DMRT1: variants seen among roughly 807,000 people sequenced by gnomAD.
DMRT1 encodes doublesex- and mab-3-related transcription factor 1.
A neutral mutation model predicts 32.3 loss-of-function variants in DMRT1; 7 were observed. That is an observed-to-expected ratio of 0.22 (90% CI 0.12 to 0.41). The LOEUF (loss-of-function observed/expected upper bound fraction) is 0.41. DMRT1 is among the 10% of genes least tolerant of loss of function. DMRT1 has a pLI of 1.00. For synonymous variants in DMRT1, 278 were observed against 206.1 expected, an observed-to-expected ratio of 1.35 and a Z score of -2.99; for missense variants, 625 against 500.5, an observed-to-expected ratio of 1.25 and a Z score of -2.37.
chr9:930,008 T>C (rs2129851058), intron 4 of DMRT1, among the ~76,000 whole-genome samples: 1 of 152,252 alleles, frequency 6.6e-6, no homozygotes, highest in Middle Eastern at 3.4e-3. Context: ...TGGAATGGAG[T>C]AGCTGTGTGC....
At chr9:865,248 C>G (rs1815929837) in intron 2 of DMRT1, among the ~76,000 whole-genome samples, 2 of 152,276 alleles carry the variant, frequency 1.3e-5, no homozygotes, top group South Asian at 4.1e-4. Context: ...CTGGAAAGGA[C>G]TCTCAGTGAA....
In DMRT1 at chr9:842,239, T is replaced by G. The variant is rs548919882; in HGVS notation, c.354+47T>G. The G allele has an allele frequency of 8.4e-4, 1,256 of 1,498,826 alleles. 1 individual carries two copies. Among genetic ancestry groups the G allele is most frequent in the Non-Finnish European group, 8.1e-4 (917 of 1,133,796 alleles). The allele number at this position is 1,498,826 out of a possible 1,614,324, so 92.8% of individuals were successfully genotyped here. ...CCCGGGTTCAGCCTTAGTTTTTTTT[T>G]TTTTTTTTTTTTTTAGATGGAGTCT... On this transcript the variant is annotated intron_variant, in intron 1 of 4. Transcript: ENST00000382276.
chr9:866,605 G>T (rs12336132), intron 2 of DMRT1, among the ~76,000 whole-genome samples: 32,472 of 152,170 alleles, frequency 0.21, 4,004 homozygotes, highest in East Asian at 0.41. Flanking sequence ...CAACGAGAGA[G>T]TCTCAAGGAC....
intron 2 of DMRT1, among the ~76,000 whole-genome samples, chr9:874,557 A>T (rs917003692): frequency 6.6e-6 from 1 of 152,178 alleles, no homozygotes; most frequent in African/African-American, 2.4e-5. Flanking sequence ...TAATGATGGC[A>T]ACTGCCATAA....
intron 2 of DMRT1, among the ~76,000 whole-genome samples, chr9:885,472 C>A (rs1816890293): frequency 6.6e-6 from 1 of 152,134 alleles, no homozygotes; most frequent in Admixed American, 6.6e-5. Context: ...CGACTCTTCT[C>A]CTACTTCCCC....
chr9:889,058 G>A lies in DMRT1; in HGVS notation c.539-4854G>A, dbSNP rs145892828. Among the ~76,000 whole-genome samples the A allele has an allele frequency of 4.1e-4, 62 of 152,190 alleles. No individual in the cohort carries two copies. The East Asian group carries it at 9.4e-3, about 23-fold the overall frequency. On this transcript the variant is annotated intron_variant, in intron 2 of 4. Transcript: ENST00000382276. ...GTATGATTTTGTCAGTCTGTGGTGG[G>A]GCCCAAGAATTTGCATTTCTTTACG... is the stretch of plus-strand genomic sequence containing the variant.
chr9:883,459 G>T (rs1816809513), intron 2 of DMRT1, among the ~76,000 whole-genome samples: 1 of 151,792 alleles, frequency 6.6e-6, no homozygotes, highest in Non-Finnish European at 1.5e-5. Flanking sequence ...ATCATCGAAT[G>T]ACACAGCCTT....
chr9:873,025 C>T (rs144032583), intron 2 of DMRT1, among the ~76,000 whole-genome samples: 1 of 152,206 alleles, frequency 6.6e-6, no homozygotes, highest in Non-Finnish European at 1.5e-5. Context: ...CTCACAGACA[C>T]ACCCCAGAAA....
At chr9:901,034 G>C (rs1437051655) in intron 3 of DMRT1, among the ~76,000 whole-genome samples, 1 of 149,490 alleles carries the variant, frequency 6.7e-6, no homozygotes, top group Non-Finnish European at 1.5e-5. Flanking sequence ...TTTTTTAATT[G>C]AGAAGGATCT....
chr9:951,894 T>C (rs1819438558), intron 4 of DMRT1, among the ~76,000 whole-genome samples: 1 of 152,214 alleles, frequency 6.6e-6, no homozygotes, highest in African/African-American at 2.4e-5. Flanking sequence ...TTGAAGCACT[T>C]ACTGATTATC....
chr9:861,635 C>A (rs1321964736), intron 2 of DMRT1, among the ~76,000 whole-genome samples: 8 of 148,626 alleles, frequency 5.4e-5, no homozygotes, highest in African/African-American at 1.8e-4. Context: ...CCAGAAGGGG[C>A]AGCGGCCGGG....
chr9:968,738 A>G lies in DMRT1; in HGVS notation c.*599A>G, dbSNP rs563414558. On this transcript the variant is annotated 3_prime_UTR_variant, in exon 5 of 5. Coordinates refer to ENST00000382276, the MANE Select transcript of DMRT1 (RefSeq NM_021951.3). ...GAAACATTAAAGCCTGTAAAAAAAA[A>G]TTGCTGCGTTTTTGGTAAAGGGTGT... 2 of 153,230 alleles carry G rather than the reference A, an allele frequency of 1.3e-5. No homozygotes were observed. Among genetic ancestry groups the G allele is most frequent in the South Asian group, 4.1e-4 (2 of 4,868 alleles). 9.5% of individuals were successfully genotyped at this position (153,230 alleles called of 1,614,324 possible). A position where few individuals can be genotyped will look rare whatever the true frequency, so the allele number is the denominator to read the frequency against.
rs555409570 is a variant in DMRT1 at position 908,178 on chromosome 9, C to T, written c.823-8585C>T. ...GTATTCAGGATTGTTGTGGGCTGGGCATGGTGGCTCATGCCTGTAATCCTA... is the reference window on the plus strand; with the variant it reads ...GTATTCAGGATTGTTGTGGGCTGGGTATGGTGGCTCATGCCTGTAATCCTA... On this transcript the variant is annotated intron_variant, in intron 3 of 4. Transcript: ENST00000382276. Among the ~76,000 whole-genome samples the T allele has an allele frequency of 3.3e-5, 5 of 152,260 alleles. No individual in the cohort carries two copies. In the South Asian group the frequency reaches 1.0e-3, roughly 32 times the overall value.
At chr9:906,792 A>G (rs1470328567) in intron 3 of DMRT1, among the ~76,000 whole-genome samples, 1 of 152,258 alleles carries the variant, frequency 6.6e-6, no homozygotes, top group African/African-American at 2.4e-5. Context: ...TACTAAGCAG[A>G]TACCTTCATT....
chr9:912,214 G>GA (rs1389018328), intron 3 of DMRT1, among the ~76,000 whole-genome samples: 3 of 152,154 alleles, frequency 2.0e-5, no homozygotes, highest in African/African-American at 7.2e-5. Context: ...CATATCATGA[G>GA]AACAGATTGG....
intron 2 of DMRT1, among the ~76,000 whole-genome samples, chr9:880,260 C>G (rs894817700): frequency 1.3e-5 from 2 of 152,100 alleles, no homozygotes; most frequent in African/African-American, 4.8e-5. Context: ...GTGAGTCCTT[C>G]CCATTGAGTC....
chr9:956,303 A>G (rs563360913), intron 4 of DMRT1, among the ~76,000 whole-genome samples: 90 of 152,342 alleles, frequency 5.9e-4, no homozygotes, highest in Non-Finnish European at 1.1e-3. Flanking sequence ...TTTAATGGGT[A>G]CAGAATTTCA....
rs555945655 is a variant in DMRT1 at position 869,171 on chromosome 9, C to T, written c.538+22028C>T. On this transcript the variant is annotated intron_variant, in intron 2 of 4. Coordinates refer to ENST00000382276, the MANE Select transcript of DMRT1 (RefSeq NM_021951.3). ...ACCTTGTTAGATTTTTATCCGGGGG[C>T]GGAACAGAAAGTACTAAGTGAATTT... is the stretch of plus-strand genomic sequence containing the variant. Among the ~76,000 whole-genome samples, 108 of 152,190 alleles carry T rather than the reference C, an allele frequency of 7.1e-4. 1 individual carries two copies. The highest frequency in any genetic ancestry group is 6.0e-3 in the South Asian group (29 of 4,814).
At chr9:926,154 T>G (rs1012218302) in intron 4 of DMRT1, among the ~76,000 whole-genome samples, 1 of 120,974 alleles carries the variant, frequency 8.3e-6, no homozygotes, top group South Asian at 3.6e-4. Flanking sequence ...ACTTAAACCC[T>G]TCGGCATATC....
Sources: gnomAD v4.1 joint callset for allele counts (sites outside exome capture counted in the v4.1 genomes callset) on GRCh38, gnomAD v4.1.1 for gene constraint, MANE v1.5 for transcripts, NCBI Gene and HGNC (gene_info 2026-07-23, HGNC 2026-07-21) for gene names.